Variants in SLC13A1 observed in about 807,000 individuals in gnomAD.
The protein encoded by SLC13A1 is Na(+)/sulfate cotransporter.
In SLC13A1, 65 loss-of-function variants were observed where a neutral mutation model predicts 70.0. The ratio of observed to expected loss-of-function variants is 0.93; its 90% CI spans 0.76 to 1.14. SLC13A1 has a LOEUF of 1.14. Ranked by LOEUF, SLC13A1 falls within the 50% of genes most tolerant of loss-of-function variation. The pLI is 0.00. For synonymous variants in SLC13A1, 275 were observed against 250.5 expected, an observed-to-expected ratio of 1.10 and a Z score of -0.92; for missense variants, 726 against 717.8, an observed-to-expected ratio of 1.01 and a Z score of -0.13.
intron 4 of SLC13A1, 39 bp from the exon 5 acceptor site, chr7:123,168,600 G>T: frequency 6.7e-7 from 1 of 1,488,352 alleles, no homozygotes; most frequent in Non-Finnish European, 9.3e-7. Flanking sequence ...ATTTAAATAA[G>T]GGATTATCAT....
intron 12 of SLC13A1, among the ~76,000 whole-genome samples, chr7:123,122,065 C>T (rs1488374503): frequency 6.6e-6 from 1 of 152,102 alleles, no homozygotes; most frequent in Non-Finnish European, 1.5e-5. Flanking sequence ...GCTGAGTCCA[C>T]ACCTTTTCGT....
chr7:123,169,836 C>A (rs1049358072), intron 3 of SLC13A1, among the ~76,000 whole-genome samples: 1 of 152,092 alleles, frequency 6.6e-6, no homozygotes, highest in African/African-American at 2.4e-5. Flanking sequence ...TTTATAAAGC[C>A]TCTTTTTACT....
chr7:123,194,441 G>C (rs1323449461), intron 1 of SLC13A1, among the ~76,000 whole-genome samples: 1 of 152,110 alleles, frequency 6.6e-6, no homozygotes, highest in Non-Finnish European at 1.5e-5. Context: ...TAAATGAAAA[G>C]TCAGAAATAT....
chr7:123,130,009 A>C (rs1004788688), intron 8 of SLC13A1, among the ~76,000 whole-genome samples: 1 of 152,172 alleles, frequency 6.6e-6, no homozygotes, highest in Non-Finnish European at 1.5e-5. Flanking sequence ...ATACACAGTA[A>C]ATACCTGACA....
At chr7:123,196,843 C>T (rs1176722259) in intron 1 of SLC13A1, among the ~76,000 whole-genome samples, 1 of 152,066 alleles carries the variant, frequency 6.6e-6, no homozygotes, top group African/African-American at 2.4e-5. Flanking sequence ...CAAAAATATA[C>T]AAAAGACTAA....
chr7:123,198,819 G>T (rs1796263943), intron 1 of SLC13A1, among the ~76,000 whole-genome samples: 1 of 152,038 alleles, frequency 6.6e-6, no homozygotes, highest in Non-Finnish European at 1.5e-5. Context: ...TAAGAGGAGG[G>T]ACTGTGCATA....
At chr7:123,132,689 T>C (rs1438730256) in intron 8 of SLC13A1, among the ~76,000 whole-genome samples, 2 of 152,228 alleles carry the variant, frequency 1.3e-5, no homozygotes, top group African/African-American at 4.8e-5. Context: ...TCTGGTTTGG[T>C]GAATAACATG....
rs538735324 is a variant in SLC13A1 at position 123,153,189 on chromosome 7, T to C, written c.661-5879A>G. On this transcript the variant is annotated intron_variant, in intron 6 of 14. Transcript: ENST00000194130. ...AAAAATCAAAACAGAAACAGGTTAA[T>C]ATGTTTGCCATGCTTTATGCCTTAT... Among the ~76,000 whole-genome samples, 74 of 152,200 alleles carry C rather than the reference T, an allele frequency of 4.9e-4. 1 individual carries two copies. In the East Asian group the frequency reaches 8.5e-3, roughly 18 times the overall value.
chr7:123,173,899 C>T (rs535802767), intron 2 of SLC13A1, among the ~76,000 whole-genome samples: 4 of 151,376 alleles, frequency 2.6e-5, no homozygotes, highest in Non-Finnish European at 5.9e-5. Flanking sequence ...TCTCCCACCT[C>T]TTTCAACTCT....
chr7:123,127,573 C>T (rs958870374), intron 10 of SLC13A1, among the ~76,000 whole-genome samples: 1 of 152,004 alleles, frequency 6.6e-6, no homozygotes, highest in African/African-American at 2.4e-5. Context: ...ATTTAAATAA[C>T]TGAATGTCTA....
At chr7:123,125,211 T>C (rs557579267) in intron 11 of SLC13A1, among the ~76,000 whole-genome samples, 4 of 152,340 alleles carry the variant, frequency 2.6e-5, no homozygotes, top group Non-Finnish European at 5.9e-5. Flanking sequence ...TCTGCATTTA[T>C]TACCAAGGTA....
intron 7 of SLC13A1, among the ~76,000 whole-genome samples, chr7:123,136,365 T>C (rs1162608683): frequency 2.0e-5 from 3 of 152,202 alleles, no homozygotes; most frequent in Non-Finnish European, 2.9e-5. Context: ...GGACTATGCC[T>C]CTATAATCAT....
At chr7:123,147,359 T>C (rs760776421) in intron 6 of SLC13A1, 49 bp from the exon 7 acceptor site, 1 of 1,593,112 alleles carries the variant, frequency 6.3e-7, no homozygotes, top group South Asian at 1.1e-5. Context: ...CTATATTTGT[T>C]ATGGACTGAA....
intron 7 of SLC13A1, among the ~76,000 whole-genome samples, chr7:123,146,051 A>G (rs1794337201): frequency 6.6e-6 from 1 of 152,186 alleles, no homozygotes. Context: ...TAGTAGAACC[A>G]GTCTGAGTGC....
Position 123,174,809 on chromosome 7 carries a change from T to TC in SLC13A1, c.229-2906dup, listed in dbSNP as rs561254147. On this transcript the variant is annotated intron_variant, in intron 2 of 14. Coordinates refer to ENST00000194130, the MANE Select transcript of SLC13A1 (RefSeq NM_022444.4). ...TTTTTTGCCACTCCACCCTTCTTCT[T>TC]CCTATGTATTTAGTTCCCCAAACAC... is the stretch of plus-strand genomic sequence containing the variant. 2.8e-3 allele frequency among the ~76,000 whole-genome samples: 433 copies of TC among 152,108 alleles called. 4 individuals are homozygous for TC. Among genetic ancestry groups the TC allele is most frequent in the African/African-American group, 9.5e-3 (393 of 41,528 alleles).
At chr7:123,162,457 C>A (rs1034478131) in intron 6 of SLC13A1, among the ~76,000 whole-genome samples, 1 of 152,046 alleles carries the variant, frequency 6.6e-6, no homozygotes, top group Non-Finnish European at 1.5e-5. Context: ...TCCTTGCTTA[C>A]CTCGTCTATA....
chr7:123,125,758 C>T, intron 10 of SLC13A1, 83 bp from the exon 11 acceptor site: 10 of 915,848 alleles, frequency 1.1e-5, no homozygotes, highest in African/African-American at 1.6e-5. Flanking sequence ...AATAACATAT[C>T]AGTAATAGGT....
intron 6 of SLC13A1, among the ~76,000 whole-genome samples, chr7:123,162,254 A>G (rs757952473): frequency 6.6e-6 from 1 of 152,126 alleles, no homozygotes; most frequent in Non-Finnish European, 1.5e-5. Flanking sequence ...TAAAATAAAG[A>G]TATATGGGAG....
At chr7:123,155,230 T>G (rs1794672978) in intron 6 of SLC13A1, among the ~76,000 whole-genome samples, 1 of 151,878 alleles carries the variant, frequency 6.6e-6, no homozygotes, top group Admixed American at 6.6e-5. Flanking sequence ...ACTCTTCTCT[T>G]TTTTCCTATT....
Sources: allele counts gnomAD v4.1 joint callset (sites outside exome capture counted in the v4.1 genomes callset), GRCh38; gene constraint gnomAD v4.1.1; transcripts MANE v1.5; gene names NCBI Gene and HGNC (gene_info 2026-07-23, HGNC 2026-07-21).